The following EPHB2 variants were observed in gnomAD, a reference collection of about 807,000 sequenced individuals.
The protein encoded by EPHB2 is EPH receptor B2, also known as ephrin type-B receptor 2.
In EPHB2, 18 loss-of-function variants were observed where a neutral mutation model predicts 96.4. The ratio of observed to expected loss-of-function variants is 0.19; its 90% CI spans 0.13 to 0.28. The LOEUF (loss-of-function observed/expected upper bound fraction) is 0.28, where lower values mean the gene tolerates loss of function less well. Among genes scored for constraint, EPHB2 ranks in the 10% least tolerant of loss-of-function variants. The pLI, the probability that EPHB2 is intolerant of heterozygous loss-of-function variation, is 1.00. For missense variants in EPHB2, 989 were observed against 1,355.4 expected, an observed-to-expected ratio of 0.73 and a Z score of 4.25; for synonymous variants, 506 against 534.1, an observed-to-expected ratio of 0.95 and a Z score of 0.72.
At chr1:22,743,877 G>A (rs924271763) in intron 1 of EPHB2, among the ~76,000 whole-genome samples, 6 of 152,208 alleles carry the variant, frequency 3.9e-5, no homozygotes, top group African/African-American at 1.4e-4. Context: ...ATCTGCTTCT[G>A]GACTGGGTCC....
At chr1:22,787,329 A>C (rs533617919) in intron 3 of EPHB2, among the ~76,000 whole-genome samples, 1 of 152,342 alleles carries the variant, frequency 6.6e-6, no homozygotes, top group Admixed American at 6.5e-5. Context: ...ACATGAATCA[A>C]CTTGGCCCAT....
At chr1:22,883,135 TGAACCTCA>T (rs1639105712) in intron 6 of EPHB2, among the ~76,000 whole-genome samples, 1 of 152,390 alleles carries the variant, frequency 6.6e-6, no homozygotes, top group East Asian at 1.9e-4. Flanking sequence ...TTTCTCCCTC[TGAACCTCA>T]GTTTCCACCT....
chr1:22,840,350 A>C (rs1250700888), intron 3 of EPHB2, among the ~76,000 whole-genome samples: 1 of 152,204 alleles, frequency 6.6e-6, no homozygotes, highest in East Asian at 1.9e-4. Context: ...TGCATACTCT[A>C]CCAGGATGAT....
At chr1:22,779,195 T>C (rs905939142) in intron 1 of EPHB2, among the ~76,000 whole-genome samples, 3 of 151,986 alleles carry the variant, frequency 2.0e-5, no homozygotes, top group African/African-American at 7.3e-5. Flanking sequence ...GCATTCGGAG[T>C]GTGAAAAGGA....
chr1:22,768,733 C>T (rs1351681246), intron 1 of EPHB2, among the ~76,000 whole-genome samples: 1 of 151,740 alleles, frequency 6.6e-6, no homozygotes, highest in Admixed American at 6.6e-5. Flanking sequence ...GTCTGGAGTT[C>T]TCTTTCCCCT....
At chr1:22,841,239 T>C (rs751737903) in intron 3 of EPHB2, among the ~76,000 whole-genome samples, 2 of 152,246 alleles carry the variant, frequency 1.3e-5, no homozygotes, top group African/African-American at 2.4e-5. Context: ...TTACTGTGTC[T>C]TATCTAAGTA....
At chr1:22,893,541 A>G (rs948227795) in intron 7 of EPHB2, among the ~76,000 whole-genome samples, 10 of 152,112 alleles carry the variant, frequency 6.6e-5, no homozygotes, top group African/African-American at 2.2e-4. Context: ...TACGTTTCCC[A>G]CTCTGGAACT....
intron 3 of EPHB2, among the ~76,000 whole-genome samples, chr1:22,841,547 G>C (rs541230050): frequency 4.7e-4 from 72 of 152,304 alleles, no homozygotes; most frequent in Admixed American, 2.4e-3. Context: ...CAGGACAGGG[G>C]AATAGAGATG....
intron 3 of EPHB2, among the ~76,000 whole-genome samples, chr1:22,791,803 C>T (rs1644697277): frequency 6.6e-6 from 1 of 152,098 alleles, no homozygotes; most frequent in Admixed American, 6.6e-5. Flanking sequence ...TGGGGTGAGC[C>T]TCATTGTTTC....
At chr1:22,789,219 G>A (rs1644657416) in intron 3 of EPHB2, among the ~76,000 whole-genome samples, 1 of 152,188 alleles carries the variant, frequency 6.6e-6, no homozygotes, top group African/African-American at 2.4e-5. Flanking sequence ...TCCTCCCTGG[G>A]GCAGTGGAAC....
chr1:22,742,936 G>C (rs1422675381), intron 1 of EPHB2, among the ~76,000 whole-genome samples: 1 of 150,754 alleles, frequency 6.6e-6, no homozygotes, highest in African/African-American at 2.4e-5. Flanking sequence ...CTGTCACTCA[G>C]GTTGGAGTGC....
chr1:22,761,326 G>A (rs190322393), intron 1 of EPHB2, among the ~76,000 whole-genome samples: 345 of 152,320 alleles, frequency 2.3e-3, no homozygotes, highest in Non-Finnish European at 2.9e-3. Context: ...CGCGGAGAGC[G>A]GGAGGGATCG....
At chr1:22,730,510 G>A (rs12030428) in intron 1 of EPHB2, among the ~76,000 whole-genome samples, 1 of 152,176 alleles carries the variant, frequency 6.6e-6, no homozygotes, top group Non-Finnish European at 1.5e-5. Flanking sequence ...AGCTTAAGTA[G>A]GGATGGTGCT....
At chr1:22,907,107 A>G (rs309500) in intron 11 of EPHB2, 150 bp downstream of exon 11, 583,921 of 1,114,864 alleles carry the variant, frequency 0.52, 157,538 homozygotes, top group African/African-American at 0.75. Flanking sequence ...TCCCTTATCC[A>G]TGGCAGGCAC....
At chr1:22,815,030 G>A (rs1645053072) in intron 3 of EPHB2, among the ~76,000 whole-genome samples, 1 of 152,184 alleles carries the variant, frequency 6.6e-6, no homozygotes, top group Admixed American at 6.5e-5. Flanking sequence ...ACCACGCTGG[G>A]CAGGGCACCC....
Position 22,885,440 on chromosome 1 carries a change from T to G in EPHB2, c.1428+2957T>G, listed in dbSNP as rs572986976. Among the ~76,000 whole-genome samples the G allele has an allele frequency of 6.6e-5, 10 of 152,338 alleles. No individual in the cohort carries two copies. The South Asian group carries it at 2.1e-3, about 32-fold the overall frequency. Reference sequence around the variant, plus strand: ...TGCCCGAGCATCCCCAGGCCGCTGCTGGGGTTGGCAGGACCTGCAGGATCT... The same window carrying G: ...TGCCCGAGCATCCCCAGGCCGCTGCGGGGGTTGGCAGGACCTGCAGGATCT... On this transcript the variant is annotated intron_variant, in intron 6 of 15. Transcript: ENST00000374630.
In EPHB2 at chr1:22,846,168, T is replaced by G. The variant is rs1240414315; in HGVS notation, c.812-16869T>G. On this transcript the variant is annotated intron_variant, in intron 3 of 15. Transcript: ENST00000374630. This position sits in a 1 kb window ranked among gnomAD's most constrained non-coding sequence, Gnocchi z 4.3. ...GTGCGGTGGTTCACACCTGTAATCC[T>G]AGCAATTTGGGAGCCTGTGGCAGGC... is the stretch of plus-strand genomic sequence containing the variant. Among the ~76,000 whole-genome samples, 1 of 152,082 alleles carries G rather than the reference T, an allele frequency of 6.6e-6. No individual in the cohort carries two copies. The highest frequency in any genetic ancestry group is 2.4e-5 in the African/African-American group (1 of 41,406).
chr1:22,868,809 G>A (rs1303297303), intron 5 of EPHB2, among the ~76,000 whole-genome samples: 1 of 152,130 alleles, frequency 6.6e-6, no homozygotes, highest in Non-Finnish European at 1.5e-5. Flanking sequence ...GAAGAACTGG[G>A]GTCATTGTTC....
intron 5 of EPHB2, among the ~76,000 whole-genome samples, chr1:22,873,737 T>G (rs1570420366): frequency 6.6e-6 from 1 of 152,168 alleles, no homozygotes; most frequent in African/African-American, 2.4e-5. Flanking sequence ...GGCTGCAAGG[T>G]CTCTGGCTAT....
Sources: gnomAD v4.1 joint callset for allele counts (sites outside exome capture counted in the v4.1 genomes callset) on GRCh38, gnomAD v4.1.1 for gene constraint, Gnocchi (gnomAD v3.1) non-coding constraint, MANE v1.5 for transcripts, NCBI Gene and HGNC (gene_info 2026-07-23, HGNC 2026-07-21) for gene names.